Variants in MSI2 observed in about 807,000 individuals in gnomAD.
MSI2 encodes the protein RNA-binding protein Musashi homolog 2.
A neutral mutation model predicts 45.6 loss-of-function variants in MSI2; 17 were observed. The observed-to-expected ratio is 0.37, with a 90% CI of 0.26 to 0.56. MSI2 has a LOEUF of 0.56. Ranked by LOEUF, MSI2 falls within the 20% of genes least tolerant of loss-of-function variation. The probability of loss-of-function intolerance (pLI) is 0.77; values close to 1 mark genes in which losing one functional copy is unlikely to be tolerated. For synonymous variants in MSI2, 156 were observed against 158.2 expected, an observed-to-expected ratio of 0.99 and a Z score of 0.11; for missense variants, 293 against 444.2, an observed-to-expected ratio of 0.66 and a Z score of 3.06.
At chr17:57,393,580 G>C (rs1038337309) in intron 5 of MSI2, among the ~76,000 whole-genome samples, 2 of 152,206 alleles carry the variant, frequency 1.3e-5, no homozygotes, top group African/African-American at 2.4e-5. Context: ...ATGAACACTT[G>C]TGTAAAAGTT....
intron 11 of MSI2, among the ~76,000 whole-genome samples, chr17:57,665,601 C>T (rs1382459013): frequency 1.3e-5 from 2 of 152,168 alleles, no homozygotes; most frequent in Non-Finnish European, 2.9e-5. Flanking sequence ...TTCCCCACCC[C>T]ACCCTGCCCC....
rs1036436045 is a variant in MSI2 at position 57,666,679 on chromosome 17, G to A, written c.791-8293G>A. Among the ~76,000 whole-genome samples the A allele has an allele frequency of 3.3e-5, 5 of 152,304 alleles. 1 individual carries two copies. Among genetic ancestry groups the A allele is most frequent in the East Asian group, 3.9e-4 (2 of 5,182 alleles). The stretch of plus-strand genomic sequence containing the variant: ...CAGCAGTCTGTCATGCAGAAACTGG[G>A]CCTGCAGTGAGTGCAATCACTTATA... On this transcript the variant is annotated intron_variant, in intron 11 of 13. Transcript: ENST00000284073.
At chr17:57,434,714 A>T (rs2084660257) in intron 6 of MSI2, among the ~76,000 whole-genome samples, 1 of 152,138 alleles carries the variant, frequency 6.6e-6, no homozygotes, top group African/African-American at 2.4e-5. Flanking sequence ...AGGTTCATCC[A>T]TGTTGTTTCA....
intron 5 of MSI2, among the ~76,000 whole-genome samples, chr17:57,379,727 C>T (rs1026895498): frequency 6.6e-6 from 1 of 152,092 alleles, no homozygotes; most frequent in African/African-American, 2.4e-5. Flanking sequence ...AGTGGGGCCC[C>T]TGGAGTGGCC....
intron 6 of MSI2, among the ~76,000 whole-genome samples, chr17:57,437,624 G>T (rs16958386): frequency 0.014 from 2,110 of 152,242 alleles, 52 homozygotes; most frequent in African/African-American, 0.048. Context: ...CTTTTCTTCC[G>T]TATGGGACAG....
intron 7 of MSI2, among the ~76,000 whole-genome samples, chr17:57,546,729 G>A: frequency 6.6e-6 from 1 of 152,226 alleles, no homozygotes. Context: ...GGATGGCCAG[G>A]CTGTAGCCTC....
intron 6 of MSI2, among the ~76,000 whole-genome samples, chr17:57,411,035 ACT>A (rs1796811633): frequency 6.6e-6 from 1 of 152,200 alleles, no homozygotes; most frequent in South Asian, 2.1e-4. Flanking sequence ...ACAGGGTCTC[ACT>A]ATGGTTTCCC....
At chr17:57,459,513 G>A (rs776383887) in intron 6 of MSI2, among the ~76,000 whole-genome samples, 1 of 152,174 alleles carries the variant, frequency 6.6e-6, no homozygotes, top group Non-Finnish European at 1.5e-5. Context: ...GAGGTTCCCA[G>A]GAAAAGGAAG....
intron 11 of MSI2, among the ~76,000 whole-genome samples, chr17:57,654,152 G>A (rs1425767913): frequency 2.6e-5 from 4 of 152,332 alleles, no homozygotes; most frequent in South Asian, 2.1e-4. Flanking sequence ...GCCCCACAGG[G>A]TGCAGGGTCA....
intron 11 of MSI2, among the ~76,000 whole-genome samples, chr17:57,670,716 T>C (rs942741765): frequency 3.3e-5 from 5 of 152,208 alleles, no homozygotes; most frequent in African/African-American, 1.2e-4. Flanking sequence ...TTTTTGTCAA[T>C]CACCTCCTGA....
At chr17:57,638,373 C>T (rs1050440373) in intron 10 of MSI2, among the ~76,000 whole-genome samples, 2 of 152,162 alleles carry the variant, frequency 1.3e-5, no homozygotes, top group East Asian at 1.9e-4. Flanking sequence ...GCACCCGACC[C>T]GAGACAGGGC....
Position 57,470,497 on chromosome 17 carries a change from C to T in MSI2, c.406-59179C>T, listed in dbSNP as rs538857506. ...TTCACTATGTTGGCCAAGCTGGTCT[C>T]GAACTCCTGACCTCAGGCGATCTGC... is the stretch of plus-strand genomic sequence containing the variant. On this transcript the variant is annotated intron_variant, in intron 6 of 13. Coordinates refer to ENST00000284073, the MANE Select transcript of MSI2 (RefSeq NM_138962.4). 5.3e-5 allele frequency among the ~76,000 whole-genome samples: 8 copies of T among 152,274 alleles called. No homozygotes were observed. In the East Asian group the frequency reaches 1.4e-3, roughly 26 times the overall value.
rs1016198483 is a variant in MSI2, at chr17:57,256,527, G to T, written c.-216G>T. ...GGGGGGCGGGGACGGGGGGGTGTGCGAGGCAGCGGGGCTGAGCTAAGCCGA... is the reference window on the plus strand; with the variant it reads ...GGGGGGCGGGGACGGGGGGGTGTGCTAGGCAGCGGGGCTGAGCTAAGCCGA... On this transcript the variant is annotated 5_prime_UTR_variant, in exon 1 of 14. Transcript: ENST00000284073. 3.2e-4 allele frequency: 103 copies of T among 317,408 alleles called. 1 individual carries two copies. In the East Asian group the frequency reaches 3.6e-3, roughly 11 times the overall value. The allele number at this position is 317,408 out of a possible 1,614,324, so 19.7% of individuals were successfully genotyped here.
In MSI2 at chr17:57,306,489, G is replaced by T. The variant is rs533076493; in HGVS notation, c.312+44297G>T. On this transcript the variant is annotated intron_variant, in intron 5 of 13. Transcript: ENST00000284073. The stretch of plus-strand genomic sequence containing the variant: ...CCCCACATTATCTTCCCTCTCCCCA[G>T]TGTAGATTCTGGAGTTCCCATCAGG... Among the ~76,000 whole-genome samples the T allele has an allele frequency of 3.3e-5, 5 of 152,258 alleles. No individual in the cohort carries two copies. The East Asian group carries it at 7.8e-4, about 24-fold the overall frequency.
chr17:57,262,243 A>G lies in MSI2; in HGVS notation c.312+51A>G, dbSNP rs775827378. The G allele has an allele frequency of 9.4e-6, 15 of 1,592,180 alleles. No homozygotes were observed. In the South Asian group the frequency reaches 1.1e-4, roughly 12 times the overall value. ...TTTTAGCACTCAGAGATGATTGCCA[A>G]GAATTTCAAATTTCAAACAGCATTG... On this transcript the variant is annotated intron_variant, in intron 5 of 13. Coordinates refer to ENST00000284073, the MANE Select transcript of MSI2 (RefSeq NM_138962.4).
chr17:57,511,070 G>A (rs1389582835), intron 6 of MSI2, among the ~76,000 whole-genome samples: 1 of 152,160 alleles, frequency 6.6e-6, no homozygotes, highest in Non-Finnish European at 1.5e-5. Context: ...TTTGGAGGAG[G>A]TCACCACCAC....
intron 8 of MSI2, among the ~76,000 whole-genome samples, chr17:57,604,848 C>T (rs1273028125): frequency 6.7e-6 from 1 of 149,130 alleles, no homozygotes; most frequent in Middle Eastern, 3.5e-3. Flanking sequence ...GCCCTGCCAC[C>T]TGGCAAGGTG....
intron 5 of MSI2, among the ~76,000 whole-genome samples, chr17:57,276,819 A>G (rs1210563145): frequency 6.6e-6 from 1 of 152,038 alleles, no homozygotes. Flanking sequence ...CAGGTAACGG[A>G]GGCGCCTCAT....
At chr17:57,258,921 T>G (rs2143155375) in intron 4 of MSI2, among the ~76,000 whole-genome samples, 1 of 150,458 alleles carries the variant, frequency 6.6e-6, no homozygotes, top group African/African-American at 2.5e-5. Context: ...AATCTAAGGC[T>G]GATAAGGCCT....
Sources: allele counts gnomAD v4.1 joint callset (sites outside exome capture counted in the v4.1 genomes callset), GRCh38; gene constraint gnomAD v4.1.1; transcripts MANE v1.5; gene names NCBI Gene and HGNC (gene_info 2026-07-23, HGNC 2026-07-21).